The following TDRD12 variants were observed in gnomAD, a reference collection of about 807,000 sequenced individuals.
TDRD12 encodes tudor domain containing 12, also known as putative ATP-dependent RNA helicase TDRD12.
A neutral mutation model predicts 133.5 loss-of-function variants in TDRD12; 158 were observed. The observed-to-expected ratio is 1.18, with a 90% CI of 1.04 to 1.35. TDRD12 has a LOEUF of 1.35. Among genes scored for constraint, TDRD12 ranks in the 40% most tolerant of loss-of-function variants. The pLI is 0.00. For missense variants in TDRD12, 1,443 were observed against 1,321.3 expected (o/e 1.09, Z -1.43); for synonymous variants, 460 against 477.9 (o/e 0.96, Z 0.49).
chr19:32,773,499 C>G (rs1429936448), exon 10 of TDRD12: 1 of 1,551,784 alleles, frequency 6.4e-7, no homozygotes, highest in South Asian at 1.2e-5. Flanking sequence ...AGAGGCATAA[C>G]CATATATGCT....
At chr19:32,758,561 G>A (rs56977773) in intron 8 of TDRD12, among the ~76,000 whole-genome samples, 1 of 151,982 alleles carries the variant, frequency 6.6e-6, no homozygotes, top group East Asian at 1.9e-4. Context: ...ACCCCATCTC[G>A]CTAGGCATTT....
intron 13 of TDRD12, among the ~76,000 whole-genome samples, chr19:32,792,245 CAA>C (rs901551945): frequency 7.3e-6 from 1 of 136,148 alleles, no homozygotes. Flanking sequence ...GACTCCGTCT[CAA>C]AAAAAAAAAG....
intron 1 of TDRD12, among the ~76,000 whole-genome samples, chr19:32,720,711 C>T (rs1456605472): frequency 2.4e-5 from 1 of 41,720 alleles, no homozygotes; most frequent in East Asian, 5.4e-4. Context: ...TTCATCCCCC[C>T]ACACTCAGCC....
chr19:32,800,627 C>T lies in TDRD12; in HGVS notation c.1951-17C>T, dbSNP rs981081602. On this transcript the variant is annotated splice_polypyrimidine_tract_variant and intron_variant, in intron 17 of 27. Transcript: ENST00000444215. ...AAAATATTAAAAAGTCACATTGTTTCTGTGCTTCATTACCAGGTAGTACAT... is the reference window on the plus strand; with the variant it reads ...AAAATATTAAAAAGTCACATTGTTTTTGTGCTTCATTACCAGGTAGTACAT... 6 of 1,527,506 alleles carry T rather than the reference C, an allele frequency of 3.9e-6. No individual in the cohort carries two copies. In the African/African-American group the frequency reaches 8.3e-5, roughly 21 times the overall value. The allele number at this position is 1,527,506 out of a possible 1,614,324, so 94.6% of individuals were successfully genotyped here.
At chr19:32,725,364 T>C (rs192999071) in intron 1 of TDRD12, among the ~76,000 whole-genome samples, 1 of 152,300 alleles carries the variant, frequency 6.6e-6, no homozygotes, top group African/African-American at 2.4e-5. Context: ...CATTTAAGTC[T>C]TTAATCTATA....
At chr19:32,772,918 G>A in intron 9 of TDRD12, 68 bp downstream of exon 9, 2 of 938,658 alleles carry the variant, frequency 2.1e-6, no homozygotes. Flanking sequence ...TTTCTCTTTT[G>A]AAATCTATCT....
rs113616534 is a variant in TDRD12, at chr19:32,812,152, C to T, written c.3048+732C>T. Among the ~76,000 whole-genome samples the T allele has an allele frequency of 2.2e-4, 34 of 152,320 alleles. 1 individual carries two copies. Among genetic ancestry groups the T allele is most frequent in the African/African-American group, 7.7e-4 (32 of 41,574 alleles). On this transcript the variant is annotated intron_variant, in intron 24 of 27. Transcript: ENST00000444215. ...CACAGGCACAGAAGAGGGCTCCATGCGGGCTCACGTGGCCATCCAGCTGGA... is the reference window on the plus strand; with the variant it reads ...CACAGGCACAGAAGAGGGCTCCATGTGGGCTCACGTGGCCATCCAGCTGGA...
rs1971038397 is a variant in TDRD12 at position 32,790,528 on chromosome 19, C to T, written c.1122-3C>T. ...TCACATTCTTCTTTTAACTATCTTA[C>T]AGATTACTGCAGTTTTTAAATCCTG... is the stretch of plus-strand genomic sequence containing the variant. On this transcript the variant is annotated splice_polypyrimidine_tract_variant and splice_region_variant and intron_variant, in intron 11 of 27. Coordinates refer to ENST00000444215, the Ensembl canonical transcript of TDRD12. The T allele has an allele frequency of 1.3e-6, 2 of 1,551,458 alleles. No individual in the cohort carries two copies. The highest frequency in any genetic ancestry group is 1.7e-6 in the Non-Finnish European group (2 of 1,146,772).
At chr19:32,794,646 T>A (rs1335756558) in exon 14 of TDRD12, 6 of 702,552 alleles carry the variant, frequency 8.5e-6, no homozygotes, top group Non-Finnish European at 1.3e-5. Flanking sequence ...AAGAAATAAG[T>A]TTCCGGGCCC....
Position 32,773,949 on chromosome 19 carries a change from A to G in TDRD12, c.1040+417A>G, listed in dbSNP as rs145783414. 3.0e-4 allele frequency among the ~76,000 whole-genome samples: 46 copies of G among 152,284 alleles called. No homozygotes were observed. The East Asian group carries it at 5.8e-3, about 19-fold the overall frequency. On this transcript the variant is annotated intron_variant, in intron 10 of 27. Transcript: ENST00000444215. ...CTTTTTGGACAGAGTTGTCCCTGTAAGGCAGGTCTGAAGATTGGCACAGAG... is the reference window on the plus strand; with the variant it reads ...CTTTTTGGACAGAGTTGTCCCTGTAGGGCAGGTCTGAAGATTGGCACAGAG...
intron 11 of TDRD12, among the ~76,000 whole-genome samples, chr19:32,780,691 T>G (rs1480810748): frequency 6.6e-6 from 1 of 152,166 alleles, no homozygotes; most frequent in East Asian, 1.9e-4. Context: ...AGCAGGTGAG[T>G]GCTGCGGAGC....
chr19:32,787,954 A>T (rs543208618), intron 11 of TDRD12, among the ~76,000 whole-genome samples: 29 of 152,146 alleles, frequency 1.9e-4, no homozygotes, highest in South Asian at 6.3e-4. Flanking sequence ...CCACTGTCCA[A>T]CCAGTCCCAG....
chr19:32,794,669 A>T (rs1390905160), exon 14 of TDRD12: 1 of 702,792 alleles, frequency 1.4e-6, no homozygotes, highest in Non-Finnish European at 2.6e-6. Flanking sequence ...GCCACACTGA[A>T]TCTTACTCTT....
At chr19:32,802,984 T>C (rs1462337000) in exon 21 of TDRD12, 1 of 1,536,014 alleles carries the variant, frequency 6.5e-7, no homozygotes, top group Non-Finnish European at 8.7e-7. Flanking sequence ...CGGAGAAAGA[T>C]GCGAGCCATG....
At chr19:32,811,409 T>G in exon 24 of TDRD12, 1 of 1,536,108 alleles carries the variant, frequency 6.5e-7, no homozygotes, top group South Asian at 1.2e-5. Flanking sequence ...CGAAATAGAA[T>G]GGAATCCGAA....
At chr19:32,774,117 C>T (rs1384300715) in intron 10 of TDRD12, among the ~76,000 whole-genome samples, 3 of 152,174 alleles carry the variant, frequency 2.0e-5, no homozygotes, top group East Asian at 1.9e-4. Flanking sequence ...ATGTCAGTGA[C>T]GTTAACAAAA....
At chr19:32,726,194 C>T (rs1021145467) in intron 1 of TDRD12, among the ~76,000 whole-genome samples, 2 of 152,012 alleles carry the variant, frequency 1.3e-5, no homozygotes, top group Non-Finnish European at 2.9e-5. Context: ...CATTCTCCTG[C>T]CTCAGCCTCC....
Position 32,790,462 on chromosome 19 carries a change from C to T in TDRD12, c.1122-69C>T. On this transcript the variant is annotated intron_variant, in intron 11 of 27. Transcript: ENST00000444215. ...CCCTGCTATCTCTGTCAAGGAAGAA[C>T]TAAAAGAATAGCTCAACTGAGGAAA... is the stretch of plus-strand genomic sequence containing the variant. 8 of 1,452,728 alleles carry T rather than the reference C, an allele frequency of 5.5e-6. No individual in the cohort carries two copies. The South Asian group carries it at 6.2e-5, about 11-fold the overall frequency. The allele number at this position is 1,452,728 out of a possible 1,614,324, so 90.0% of individuals were successfully genotyped here. A position where few individuals can be genotyped will look rare whatever the true frequency, so the allele number is the denominator to read the frequency against.
chr19:32,808,987 A>G (rs1270585683), intron 22 of TDRD12, among the ~76,000 whole-genome samples: 1 of 152,050 alleles, frequency 6.6e-6, no homozygotes, highest in East Asian at 1.9e-4. Context: ...TGATGACTTC[A>G]TATCGGATTT....
Sources: allele counts gnomAD v4.1 joint callset (sites outside exome capture counted in the v4.1 genomes callset), GRCh38; gene constraint gnomAD v4.1.1; transcripts MANE v1.5; gene names NCBI Gene and HGNC (gene_info 2026-07-23, HGNC 2026-07-21).